Variants in TBX10 observed in about 807,000 individuals in gnomAD.
The protein encoded by TBX10 is T-box transcription factor TBX10.
TBX10 carries 26 observed loss-of-function variants against 32.4 expected under a neutral mutation model. The observed-to-expected ratio is 0.80, with a 90% CI of 0.59 to 1.11. The LOEUF (loss-of-function observed/expected upper bound fraction) is 1.11. Ranked by LOEUF, TBX10 falls within the 50% of genes most tolerant of loss-of-function variation. TBX10 has a pLI of 0.00. For missense variants in TBX10, 490 were observed against 494.5 expected, an observed-to-expected ratio of 0.99 and a Z score of 0.09; for synonymous variants, 195 against 203.1, an observed-to-expected ratio of 0.96 and a Z score of 0.34.
chr11:67,639,400 C>CT, intron 1 of TBX10, 66 bp downstream of exon 1: 71 of 712,962 alleles, frequency 1.0e-4, no homozygotes, highest in South Asian at 2.3e-4. Context: ...GGTTCCCACC[C>CT]TGCCCACCCA....
Position 67,631,386 on chromosome 11 carries a change from T to A in TBX10, c.*219A>T, listed in dbSNP as rs1444503868. 3.2e-6 allele frequency: 2 copies of A among 618,466 alleles called. No homozygotes were observed. Among genetic ancestry groups the A allele is most frequent in the Admixed American group, 5.9e-5 (2 of 33,912 alleles). The allele number at this position is 618,466 out of a possible 1,614,324, so 38.3% of individuals were successfully genotyped here. A position where few individuals can be genotyped will look rare whatever the true frequency, so the allele number is the denominator to read the frequency against. On this transcript the variant is annotated 3_prime_UTR_variant, in exon 8 of 8. Coordinates refer to ENST00000335385, the MANE Select transcript of TBX10 (RefSeq NM_005995.5). ...TTACCCCCAAAGCAAGAGGGCACAG[T>A]ATTCAGGCTGCTGGGGTTGGGAGAT...
rs750634088 is a variant in TBX10, at chr11:67,635,313, C to T, written c.8-50G>A. The T allele has an allele frequency of 7.5e-6, 12 of 1,610,710 alleles. 1 individual carries two copies. In the South Asian group the frequency reaches 9.9e-5, roughly 13 times the overall value. On this transcript the variant is annotated intron_variant, in intron 1 of 7. Coordinates refer to ENST00000335385, the MANE Select transcript of TBX10 (RefSeq NM_005995.5). ...GGCCCCACGCATCACCCAGCCAGCT[C>T]TTATCCTTCAGGCTGCACCTATATG...
chr11:67,641,725 G>A (rs1855409017), upstream of TBX10, among the ~76,000 whole-genome samples: 1 of 152,248 alleles, frequency 6.6e-6, no homozygotes, highest in Non-Finnish European at 1.5e-5. Context: ...TCAGGCAGGT[G>A]CGGGCAGTGA....
rs1855378253 is a variant in TBX10 at position 67,639,605 on chromosome 11, T to C, written c.-133A>G. The C allele has an allele frequency of 1.6e-6, 2 of 1,222,130 alleles. No homozygotes were observed. Among genetic ancestry groups the C allele is most frequent in the Admixed American group, 3.8e-5 (2 of 52,868 alleles). 75.7% of individuals were successfully genotyped at this position (1,222,130 alleles called of 1,614,324 possible). On this transcript the variant is annotated 5_prime_UTR_variant, in exon 1 of 8. Transcript: ENST00000335385. The stretch of plus-strand genomic sequence containing the variant: ...AGCCCTCAGGTGCTCACACAAGCTG[T>C]AGTCTCTCGGCAGGACGGTCCTTGC...
Position 67,634,474 on chromosome 11 carries a change from G to A in TBX10, c.378-114C>T, listed in dbSNP as rs1037017229. The A allele has an allele frequency of 4.2e-5, 55 of 1,310,676 alleles. No homozygotes were observed. In the East Asian group the frequency reaches 1.3e-3, roughly 31 times the overall value. The allele number at this position is 1,310,676 out of a possible 1,614,324, so 81.2% of individuals were successfully genotyped here. A position where few individuals can be genotyped will look rare whatever the true frequency, so the allele number is the denominator to read the frequency against. On this transcript the variant is annotated intron_variant, in intron 3 of 7. Coordinates refer to ENST00000335385, the MANE Select transcript of TBX10 (RefSeq NM_005995.5). ...CAACACTGCTCACCCCACCTGGTGG[G>A]CACCTTGCTAAGGAACCCAAGGCTC...
rs1362124936 is a variant in TBX10, at chr11:67,634,302, C to T, written c.436G>A (p.Gly146Ser). The T allele has an allele frequency of 6.2e-7, 1 of 1,610,762 alleles. No individual in the cohort carries two copies. Among genetic ancestry groups the T allele is most frequent in the Admixed American group, 1.7e-5 (1 of 60,028 alleles). Reference sequence around the variant, plus strand: ...GAGTCGGGGTGGAAGTGCACGCGGCCAGGTGTGGCTGGGTCTGCCTTGCCC... The same window carrying T: ...GAGTCGGGGTGGAAGTGCACGCGGCTAGGTGTGGCTGGGTCTGCCTTGCCC... ...VAGKADPATP[G>S]RVHFHPDSPA... The change falls in exon 4 of 8, where the codon GGC becomes AGC. Residue 146 changes from glycine to serine, a missense_variant. Gly to Ser is a moderately conservative substitution (Grantham distance 56). Transcript: ENST00000335385.
In TBX10 at chr11:67,632,620, C is replaced by T. The variant is rs375630299; in HGVS notation, c.756G>A (p.Glu252=). The change falls in exon 6 of 8, where the codon GAG becomes GAA. Residue 252 remains glutamate, a synonymous_variant. Transcript: ENST00000335385. The part of the protein sequence containing the change: ...ASNPFAKGFR[E]SDLDSWPVAP... ...GACAGTACCAGGAGTCCAGGTCACT[C>T]TCTCTAAAGCCTTTGGCAAAAGGGT... is the stretch of plus-strand genomic sequence containing the variant. 1 of 1,614,052 alleles carries T rather than the reference C, an allele frequency of 6.2e-7. No individual in the cohort carries two copies. Among genetic ancestry groups the T allele is most frequent in the East Asian group, 2.2e-5 (1 of 44,890 alleles).
chr11:67,631,481 T>C lies in TBX10; in HGVS notation c.*124A>G. The stretch of plus-strand genomic sequence containing the variant: ...ACCCTGGGCAGGTAGCCTCTTTCTC[T>C]AGACTTTCACCTACCCTGCTCTCCT... On this transcript the variant is annotated 3_prime_UTR_variant, in exon 8 of 8. Transcript: ENST00000335385. 2.3e-6 allele frequency: 3 copies of C among 1,330,634 alleles called. No individual in the cohort carries two copies. Among genetic ancestry groups the C allele is most frequent in the East Asian group, 5.0e-5 (2 of 39,890 alleles). The allele number at this position is 1,330,634 out of a possible 1,614,324, so 82.4% of individuals were successfully genotyped here. A position where few individuals can be genotyped will look rare whatever the true frequency, so the allele number is the denominator to read the frequency against.
intron 6 of TBX10, 52 bp from the exon 7 acceptor site, chr11:67,632,464 C>T: frequency 6.3e-7 from 1 of 1,594,888 alleles, no homozygotes; most frequent in Non-Finnish European, 8.6e-7. Flanking sequence ...AGAACCCAGG[C>T]CAGGGATCAT....
intron 7 of TBX10, 75 bp from the exon 8 acceptor site, chr11:67,631,969 T>A: frequency 6.5e-7 from 1 of 1,536,088 alleles, no homozygotes; most frequent in Admixed American, 2.0e-5. Context: ...CCCTGGTCCC[T>A]TCCTGCTCCT....
In TBX10 at chr11:67,635,191, C is replaced by A; in HGVS notation, c.80G>T (p.Trp27Leu). ...TYPLPTTSSG[W>L]EPRLGSPFPS... ...GAATGGTGACCCCAGCCGGGGCTCCCAGCCAGAGCTGGTTGTAGGTAGGGG... is the reference window on the plus strand; with the variant it reads ...GAATGGTGACCCCAGCCGGGGCTCCAAGCCAGAGCTGGTTGTAGGTAGGGG... The change falls in exon 2 of 8, where the codon TGG becomes TTG. Residue 27 changes from tryptophan (W) to leucine (L), a missense_variant. Coordinates refer to ENST00000335385, the MANE Select transcript of TBX10 (RefSeq NM_005995.5). The A allele has an allele frequency of 6.2e-7, 1 of 1,613,888 alleles. No individual in the cohort carries two copies. The highest frequency in any genetic ancestry group is 8.5e-7 in the Non-Finnish European group (1 of 1,180,038).
At chr11:67,636,056 T>A (rs1051253806) in intron 1 of TBX10, among the ~76,000 whole-genome samples, 1 of 147,496 alleles carries the variant, frequency 6.8e-6, no homozygotes, top group Non-Finnish European at 1.5e-5. Context: ...GGTAAGGAGA[T>A]GGAAAAATTA....
Position 67,631,547 on chromosome 11 carries a change from AT to A in TBX10, c.*57del, listed in dbSNP as rs1855230893. The A allele has an allele frequency of 9.0e-6, 14 of 1,550,222 alleles. No homozygotes were observed. The highest frequency in any genetic ancestry group is 1.2e-5 in the Non-Finnish European group (14 of 1,154,510). The stretch of plus-strand genomic sequence containing the variant: ...GCTGGAGGGGGCGGGGCAGAGGCTG[AT>A]TCCCACACCCGGTGTAAGGTCCAGG... On this transcript the variant is annotated 3_prime_UTR_variant, in exon 8 of 8. Coordinates refer to ENST00000335385, the MANE Select transcript of TBX10 (RefSeq NM_005995.5).
chr11:67,634,047 G>T, intron 4 of TBX10, 142 bp downstream of exon 4: 2 of 1,187,178 alleles, frequency 1.7e-6, no homozygotes, highest in Non-Finnish European at 2.4e-6. Flanking sequence ...CCCCAGCCAG[G>T]TGAGCTCGCC....
chr11:67,633,315 C>G (rs1855269822), intron 4 of TBX10, among the ~76,000 whole-genome samples: 1 of 152,136 alleles, frequency 6.6e-6, no homozygotes, highest in South Asian at 2.1e-4. Context: ...TCTCACACCC[C>G]ACATCCCAGC....
chr11:67,634,075 T>A, intron 4 of TBX10, 114 bp downstream of exon 4: 8 of 1,267,778 alleles, frequency 6.3e-6, no homozygotes, highest in Admixed American at 2.1e-5. Flanking sequence ...CTCCCCGCCC[T>A]GCCTTGACCA....
chr11:67,634,356 C>T lies in TBX10; in HGVS notation c.382G>A (p.Ala128Thr), dbSNP rs1226970175. The change falls in exon 4 of 8, where the codon GCC (alanine) becomes ACC (threonine). Residue 128 changes from alanine (A) to threonine (T), a missense_variant. This residue lies in a region of TBX10 where 307 missense variants were observed against 294.9 expected (regional missense o/e 1.04). Transcript: ENST00000335385. ...ACCAGCCAGGCCGAGCTGTGGAAGG[C>T]ATACCTGGGGAGCACAGCGAGGTGG... Reference protein sequence around the residue: ...IPLDDKRYRYAFHSSAWLVAG... With the variant: ...IPLDDKRYRYTFHSSAWLVAG... 3 of 1,602,700 alleles carry T rather than the reference C, an allele frequency of 1.9e-6. No homozygotes were observed. Among genetic ancestry groups the T allele is most frequent in the Non-Finnish European group, 2.5e-6 (3 of 1,179,800 alleles).
At position 67,631,786 on chromosome 11, in the gene TBX10, G is replaced by T. The variant is rs531906539; in HGVS notation, c.977C>A (p.Thr326Lys). 1.3e-6 allele frequency: 2 copies of T among 1,599,962 alleles called. No individual in the cohort carries two copies. The highest frequency in any genetic ancestry group is 1.7e-6 in the Non-Finnish European group (2 of 1,173,792). Residue 326 changes from threonine to lysine, a missense_variant, in exon 8 of 8, where the codon ACG becomes AAG. Thr to Lys is a moderately conservative substitution (Grantham distance 78, BLOSUM62 -1). Coordinates refer to ENST00000335385, the MANE Select transcript of TBX10 (RefSeq NM_005995.5). Reference protein sequence around the residue: ...LLAPATYRPVTYQSLYSGAPS... With the variant: ...LLAPATYRPVKYQSLYSGAPS... The stretch of plus-strand genomic sequence containing the variant: ...GGCTCCAGAGTACAGGCTCTGATAC[G>T]TGACAGGCCTGTAGGTGGCCGGGGC...
At position 67,634,909 on chromosome 11, in the gene TBX10, A is replaced by G. The variant is rs1855301574; in HGVS notation, c.284T>C (p.Phe95Ser). Residue 95 changes from phenylalanine (F) to serine (S), a missense_variant, in exon 3 of 8, where the codon TTC (phenylalanine) becomes TCC (serine). Around this residue, in one of 3 missense-constraint regions of TBX10, gnomAD observed 307 missense variants for 294.9 expected, o/e 1.04. Coordinates refer to ENST00000335385, the MANE Select transcript of TBX10 (RefSeq NM_005995.5). The part of the protein sequence containing the change: ...MIVTKAGRRM[F>S]PPFQVKILGM... Reference sequence around the variant, plus strand: ...CAGGATCTTCACCTGGAAGGGGGGGAACATCCTCCTGCGGGAGGGAGGTGC... The same window carrying G: ...CAGGATCTTCACCTGGAAGGGGGGGGACATCCTCCTGCGGGAGGGAGGTGC... 6.2e-7 allele frequency: 1 copy of G among 1,612,978 alleles called. No homozygotes were observed. Among genetic ancestry groups the G allele is most frequent in the Non-Finnish European group, 8.5e-7 (1 of 1,179,932 alleles).
Sources: allele counts gnomAD v4.1 joint callset (sites outside exome capture counted in the v4.1 genomes callset), GRCh38; gene constraint gnomAD v4.1.1; regional missense constraint gnomAD v4.1.1; transcripts MANE v1.5; gene names NCBI Gene and HGNC (gene_info 2026-07-23, HGNC 2026-07-21).